The following ATP8A2 variants were observed in gnomAD, a reference collection of about 807,000 sequenced individuals.
The protein encoded by ATP8A2 is ATPase phospholipid transporting 8A2.
ATP8A2 carries 100 observed loss-of-function variants against 165.6 expected under a neutral mutation model. That is an observed-to-expected ratio of 0.60 (90% CI 0.51 to 0.71). ATP8A2 has a LOEUF of 0.71. Ranked by LOEUF, ATP8A2 falls within the 30% of genes least tolerant of loss-of-function variation. ATP8A2 has a pLI of 0.00. For synonymous variants in ATP8A2, 543 were observed against 548.8 expected, an observed-to-expected ratio of 0.99 and a Z score of 0.15; for missense variants, 1,227 against 1,479.5, an observed-to-expected ratio of 0.83 and a Z score of 2.80.
chr13:25,932,961 C>T (rs57512764), intron 33 of ATP8A2, among the ~76,000 whole-genome samples: 1,828 of 152,342 alleles, frequency 0.012, 42 homozygotes, highest in African/African-American at 0.042. Flanking sequence ...ATTCTCCCAC[C>T]TCAGCCTCCC....
chr13:25,729,631 G>C (rs1282639944), intron 25 of ATP8A2, among the ~76,000 whole-genome samples: 1 of 152,202 alleles, frequency 6.6e-6, no homozygotes, highest in Non-Finnish European at 1.5e-5. Flanking sequence ...CTGGCAAGGT[G>C]TGCATGAAGT....
rs71077467 is a variant in ATP8A2, at chr13:25,399,397, C to CTTTTTTTTTTTT, written c.76+27117_76+27128dup. Among the ~76,000 whole-genome samples, 14 of 74,052 alleles carry CTTTTTTTTTTTT rather than the reference C, an allele frequency of 1.9e-4. 1 individual carries two copies. Among genetic ancestry groups the CTTTTTTTTTTTT allele is most frequent in the Non-Finnish European group, 1.7e-4 (7 of 40,850 alleles). 48.6% of individuals were successfully genotyped at this position (74,052 alleles called of 152,430 possible). On this transcript the variant is annotated intron_variant, in intron 1 of 36. Transcript: ENST00000381655. ...AGATCCTGATTTCTTAGTGGTTCTT[C>CTTTTTTTTTTTT]TTTTTTTTTTTTTTTTTTTGAGACG...
At chr13:25,774,689 G>T (rs1217316068) in intron 26 of ATP8A2, among the ~76,000 whole-genome samples, 160 bp from the exon 27 acceptor site, 5 of 152,158 alleles carry the variant, frequency 3.3e-5, no homozygotes, top group East Asian at 1.9e-4. Flanking sequence ...TTCTCACTGG[G>T]CCTGAAAGCT....
At chr13:25,814,687 TA>T (rs566162829) in intron 27 of ATP8A2, among the ~76,000 whole-genome samples, 34 of 133,172 alleles carry the variant, frequency 2.6e-4, no homozygotes, top group African/African-American at 7.9e-4. Context: ...AGATGCAAAA[TA>T]ATGAAGTTGG....
intron 1 of ATP8A2, among the ~76,000 whole-genome samples, chr13:25,435,313 G>T (rs1291030726): frequency 1.3e-5 from 2 of 151,916 alleles, no homozygotes; most frequent in Non-Finnish European, 2.9e-5. Context: ...TAGAGACGGG[G>T]TTTCACCATG....
intron 25 of ATP8A2, among the ~76,000 whole-genome samples, chr13:25,731,378 A>AAGGAAGC (rs2043638709): frequency 6.8e-6 from 1 of 147,778 alleles, no homozygotes; most frequent in African/African-American, 2.6e-5. Context: ...AGGAAGGAAG[A>AAGGAAGC]GGGAGGAAGA....
chr13:25,546,291 G>A (rs2038646922), intron 10 of ATP8A2, among the ~76,000 whole-genome samples: 1 of 152,142 alleles, frequency 6.6e-6, no homozygotes, highest in Admixed American at 6.5e-5. Flanking sequence ...AAGGCTTCTT[G>A]CATGTTGACT....
chr13:25,412,993 T>C (rs2034015557), intron 1 of ATP8A2, among the ~76,000 whole-genome samples: 1 of 152,124 alleles, frequency 6.6e-6, no homozygotes, highest in Admixed American at 6.6e-5. Flanking sequence ...AATTTTTGTA[T>C]TTTTAGTGGA....
At chr13:25,890,559 A>C (rs1261095603) in intron 33 of ATP8A2, among the ~76,000 whole-genome samples, 1 of 152,208 alleles carries the variant, frequency 6.6e-6, no homozygotes, top group African/African-American at 2.4e-5. Flanking sequence ...CCTCACAATT[A>C]GTCCATTTGT....
At chr13:25,940,617 G>C (rs1015620426) in intron 33 of ATP8A2, among the ~76,000 whole-genome samples, 1 of 152,174 alleles carries the variant, frequency 6.6e-6, no homozygotes, top group Admixed American at 6.5e-5. Context: ...AGGGCTGGCT[G>C]TTCTTCTTCC....
At chr13:25,844,230 A>G (rs1407043500) in intron 30 of ATP8A2, among the ~76,000 whole-genome samples, 1 of 134,326 alleles carries the variant, frequency 7.4e-6, no homozygotes, top group East Asian at 2.0e-4. Flanking sequence ...GTGAATTCTT[A>G]TTACACTTTT....
At chr13:25,505,034 C>A (rs2036987164) in intron 2 of ATP8A2, among the ~76,000 whole-genome samples, 1 of 152,066 alleles carries the variant, frequency 6.6e-6, no homozygotes, top group Non-Finnish European at 1.5e-5. Context: ...CTTCCTCTTT[C>A]TTATGTGAGA....
intron 33 of ATP8A2, among the ~76,000 whole-genome samples, chr13:25,957,327 C>T (rs571463958): frequency 1.9e-4 from 29 of 152,180 alleles, no homozygotes; most frequent in African/African-American, 5.5e-4. Context: ...AGTGAACAGG[C>T]GACCTACAGA....
chr13:25,469,346 G>A (rs1004973525), intron 2 of ATP8A2, among the ~76,000 whole-genome samples: 6 of 151,766 alleles, frequency 4.0e-5, no homozygotes, highest in African/African-American at 1.5e-4. Flanking sequence ...CATCCGTTCT[G>A]CGCCCAGCCT....
chr13:25,812,014 GC>G (rs966605027), intron 27 of ATP8A2, among the ~76,000 whole-genome samples: 4 of 152,080 alleles, frequency 2.6e-5, no homozygotes, highest in African/African-American at 9.6e-5. Flanking sequence ...TTACAGCTTT[GC>G]CTCCTCTCCT....
chr13:25,683,165 T>C (rs973309966), intron 24 of ATP8A2, among the ~76,000 whole-genome samples: 1 of 141,988 alleles, frequency 7.0e-6, no homozygotes, highest in Non-Finnish European at 1.5e-5. Context: ...GTGTATAGGA[T>C]GAAATAGACC....
intron 30 of ATP8A2, among the ~76,000 whole-genome samples, chr13:25,855,551 T>C (rs140502415): frequency 8.2e-4 from 125 of 152,346 alleles, no homozygotes; most frequent in African/African-American, 2.9e-3. Flanking sequence ...AAATAGGCTA[T>C]TGTGAATAAT....
chr13:25,888,138 A>G (rs144388246), intron 33 of ATP8A2, among the ~76,000 whole-genome samples: 7 of 146,082 alleles, frequency 4.8e-5, no homozygotes, highest in African/African-American at 1.7e-4. Flanking sequence ...CTGCTTAACA[A>G]GGGTAGCACA....
At chr13:25,725,133 T>C (rs1325509612) in intron 25 of ATP8A2, among the ~76,000 whole-genome samples, 2 of 152,232 alleles carry the variant, frequency 1.3e-5, no homozygotes, top group Non-Finnish European at 2.9e-5. Flanking sequence ...CTGAAGGCCA[T>C]TGGTAACCTG....
Sources: gnomAD v4.1 joint callset for allele counts (sites outside exome capture counted in the v4.1 genomes callset) on GRCh38, gnomAD v4.1.1 for gene constraint, MANE v1.5 for transcripts, NCBI Gene and HGNC (gene_info 2026-07-23, HGNC 2026-07-21) for gene names.